Variants in GRM7 observed in about 807,000 individuals in gnomAD.
The protein encoded by GRM7 is glutamate metabotropic receptor 7, also known as metabotropic glutamate receptor 7.
GRM7 carries 35 observed loss-of-function variants against 84.5 expected under a neutral mutation model. The observed-to-expected ratio is 0.41, with a 90% CI of 0.32 to 0.55. The LOEUF (loss-of-function observed/expected upper bound fraction) is 0.55, where lower values mean the gene tolerates loss of function less well. Among genes scored for constraint, GRM7 ranks in the 20% least tolerant of loss-of-function variants. The probability of loss-of-function intolerance (pLI) is 0.19; values close to 1 mark genes in which losing one functional copy is unlikely to be tolerated. For missense variants in GRM7, 1,003 were observed against 1,194.6 expected (o/e 0.84, Z 2.36); for synonymous variants, 487 against 455.1 (o/e 1.07, Z -0.89).
chr3:7,000,236 A>G (rs1694962900), intron 1 of GRM7, among the ~76,000 whole-genome samples: 1 of 147,190 alleles, frequency 6.8e-6, no homozygotes, highest in Non-Finnish European at 1.5e-5. Flanking sequence ...CAGTGGCACA[A>G]TCTTGGCTCA....
At chr3:7,391,929 G>T (rs79802170) in intron 4 of GRM7, among the ~76,000 whole-genome samples, 2,417 of 152,196 alleles carry the variant, frequency 0.016, 57 homozygotes, top group African/African-American at 0.053. Flanking sequence ...GCCCTGATGG[G>T]AAGAGGCACT....
chr3:6,869,313 T>G (rs1695036309), intron 1 of GRM7, among the ~76,000 whole-genome samples: 1 of 152,196 alleles, frequency 6.6e-6, no homozygotes, highest in South Asian at 2.1e-4. Context: ...AATAAAAATG[T>G]ACCTGTCTGA....
In GRM7 at chr3:7,067,645, G is replaced by A. The variant is rs79083670; in HGVS notation, c.520-78807G>A. On this transcript the variant is annotated intron_variant, in intron 1 of 9. Transcript: ENST00000357716. ...AGAGTCAAGGGGAGGAGAGAACTGG[G>A]ATACTACAAACAAGGCTCCATGGGT... 6.2e-3 allele frequency among the ~76,000 whole-genome samples: 942 copies of A among 151,994 alleles called. 11 individuals are homozygous for A. The highest frequency in any genetic ancestry group is 0.022 in the African/African-American group (896 of 41,498).
At chr3:6,931,518 T>C (rs1456673013) in intron 1 of GRM7, among the ~76,000 whole-genome samples, 1 of 152,154 alleles carries the variant, frequency 6.6e-6, no homozygotes, top group Non-Finnish European at 1.5e-5. Flanking sequence ...CCCATCCTCC[T>C]GACTCAGAAA....
rs146138171 is a variant in GRM7, at chr3:7,473,134, A to G, written c.1515+11412A>G. On this transcript the variant is annotated intron_variant, in intron 7 of 9. Coordinates refer to ENST00000357716, the MANE Select transcript of GRM7 (RefSeq NM_000844.4). The stretch of plus-strand genomic sequence containing the variant: ...CCTGAGAAAGCTACCAAATTTTCCT[A>G]TTGATAAAACAAAGTCACATTGATT... Among the ~76,000 whole-genome samples, 1,332 of 152,186 alleles carry G rather than the reference A, an allele frequency of 8.8e-3. 25 individuals are homozygous for G. The highest frequency in any genetic ancestry group is 0.029 in the African/African-American group (1,195 of 41,528).
At chr3:7,574,128 T>A (rs1694839427) in intron 7 of GRM7, among the ~76,000 whole-genome samples, 1 of 151,470 alleles carries the variant, frequency 6.6e-6, no homozygotes, top group African/African-American at 2.4e-5. Flanking sequence ...TTTTTTGCCA[T>A]CCTCAGCTTG....
chr3:7,067,465 C>G (rs952445920), intron 1 of GRM7, among the ~76,000 whole-genome samples: 3 of 151,992 alleles, frequency 2.0e-5, no homozygotes, highest in African/African-American at 7.2e-5. Flanking sequence ...GTATACCTAA[C>G]AAAGGAGTTG....
chr3:7,208,806 G>A (rs939223218), intron 2 of GRM7, among the ~76,000 whole-genome samples: 3 of 152,146 alleles, frequency 2.0e-5, no homozygotes, highest in Non-Finnish European at 4.4e-5. Flanking sequence ...AAGAGCAAAG[G>A]TGGTGAACAC....
chr3:7,022,362 C>T lies in GRM7; in HGVS notation c.520-124090C>T, dbSNP rs951492144. On this transcript the variant is annotated intron_variant, in intron 1 of 9. Transcript: ENST00000357716. ...ATAATAAAATATATATATATACACA[C>T]ACATGCACACACACACACACACACC... Among the ~76,000 whole-genome samples the T allele has an allele frequency of 3.1e-5, 4 of 127,296 alleles. No individual in the cohort carries two copies. In the East Asian group the frequency reaches 6.7e-4, roughly 21 times the overall value. The allele number at this position is 127,296 out of a possible 152,430, so 83.5% of individuals were successfully genotyped here. A position where few individuals can be genotyped will look rare whatever the true frequency, so the allele number is the denominator to read the frequency against.
At chr3:6,924,056 A>G (rs1697218499) in intron 1 of GRM7, among the ~76,000 whole-genome samples, 1 of 152,192 alleles carries the variant, frequency 6.6e-6, no homozygotes, top group Admixed American at 6.5e-5. Flanking sequence ...AGCAATGTGT[A>G]CCTCACTTGT....
At chr3:7,091,418 C>T (rs1053694701) in intron 1 of GRM7, among the ~76,000 whole-genome samples, 4 of 152,088 alleles carry the variant, frequency 2.6e-5, no homozygotes, top group South Asian at 2.1e-4. Flanking sequence ...TCAAACACAA[C>T]ACATAAAATA....
rs148428763 is a variant in GRM7, at chr3:7,427,582, A to G, written c.1174+12419A>G. Among the ~76,000 whole-genome samples, 616 of 152,324 alleles carry G rather than the reference A, an allele frequency of 4.0e-3. 1 individual carries two copies. The highest frequency in any genetic ancestry group is 7.1e-3 in the Non-Finnish European group (486 of 68,026). Reference sequence around the variant, plus strand: ...TACACTGAAGATTTTAATTTTGTCCATCTTTTTAAAAAGTACAGTAAGCAA... The same window carrying G: ...TACACTGAAGATTTTAATTTTGTCCGTCTTTTTAAAAAGTACAGTAAGCAA... On this transcript the variant is annotated intron_variant, in intron 5 of 9. Transcript: ENST00000357716.
rs112188867 is a variant in GRM7, at chr3:7,685,178, G to A, written c.2698+4883G>A. Among the ~76,000 whole-genome samples, 293 of 152,268 alleles carry A rather than the reference G, an allele frequency of 1.9e-3. 1 individual carries two copies. Among genetic ancestry groups the A allele is most frequent in the African/African-American group, 6.8e-3 (281 of 41,560 alleles). ...AAGTTGGATGGATAATATTAACTAA[G>A]AGGCAGCATGGCTTTATTGGGATGG... On this transcript the variant is annotated intron_variant, in intron 9 of 9. Transcript: ENST00000357716.
intron 1 of GRM7, among the ~76,000 whole-genome samples, chr3:6,944,345 G>A (rs74890499): frequency 6.6e-6 from 1 of 152,090 alleles, no homozygotes; most frequent in Non-Finnish European, 1.5e-5. Flanking sequence ...GGTTGAGGAA[G>A]TTCCCCTTTT....
intron 1 of GRM7, among the ~76,000 whole-genome samples, chr3:6,889,163 C>G (rs554687883): frequency 6.6e-6 from 1 of 152,198 alleles, no homozygotes; most frequent in South Asian, 2.1e-4. Flanking sequence ...GATATACAAT[C>G]ATGTCACCTG....
intron 2 of GRM7, among the ~76,000 whole-genome samples, chr3:7,216,356 A>G (rs548880132): frequency 1.6e-3 from 248 of 152,348 alleles, no homozygotes; most frequent in Non-Finnish European, 3.0e-3. Context: ...AAAGGCAAGT[A>G]TATGTACCTA....
rs188264359 is a variant in GRM7, at chr3:7,238,760, T to C, written c.737-59924T>C. ...TTTTTTTTCTTTTCTTTTCTTTTCC[T>C]TTCCTTTCCTTCTTTTCTTTTCTTT... On this transcript the variant is annotated intron_variant, in intron 2 of 9. Coordinates refer to ENST00000357716, the MANE Select transcript of GRM7 (RefSeq NM_000844.4). Among the ~76,000 whole-genome samples, 126 of 140,020 alleles carry C rather than the reference T, an allele frequency of 9.0e-4. 1 individual carries two copies. Among genetic ancestry groups the C allele is most frequent in the African/African-American group, 3.8e-3 (117 of 30,470 alleles). The allele number at this position is 140,020 out of a possible 152,430, so 91.9% of individuals were successfully genotyped here. A position where few individuals can be genotyped will look rare whatever the true frequency, so the allele number is the denominator to read the frequency against.
In GRM7 at chr3:6,862,221, C is replaced by T. The variant is rs1193544293; in HGVS notation, c.519+314C>T. On this transcript the variant is annotated intron_variant, in intron 1 of 9. Transcript: ENST00000357716. This position sits in a 1 kb window ranked among gnomAD's most constrained non-coding sequence, Gnocchi z 5.2. ...GGTTTGCATTAGGGTGAAATATGGTCCGAAAACAGGCTCGTAAAAGTGCCA... is the reference window on the plus strand; with the variant it reads ...GGTTTGCATTAGGGTGAAATATGGTTCGAAAACAGGCTCGTAAAAGTGCCA... Among the ~76,000 whole-genome samples, 1 of 152,060 alleles carries T rather than the reference C, an allele frequency of 6.6e-6. No homozygotes were observed. Among genetic ancestry groups the T allele is most frequent in the Non-Finnish European group, 1.5e-5 (1 of 67,996 alleles).
intron 9 of GRM7, among the ~76,000 whole-genome samples, chr3:7,706,500 C>T (rs1002492384): frequency 1.3e-5 from 2 of 151,946 alleles, no homozygotes; most frequent in African/African-American, 2.4e-5. Flanking sequence ...AGAAGGACTC[C>T]GAAAATTCAA....
Sources: allele counts gnomAD v4.1 joint callset (sites outside exome capture counted in the v4.1 genomes callset), GRCh38; gene constraint gnomAD v4.1.1; non-coding constraint Gnocchi (gnomAD v3.1); transcripts MANE v1.5; gene names NCBI Gene and HGNC (gene_info 2026-07-23, HGNC 2026-07-21).